Variants in TRANK1 observed in about 807,000 individuals in gnomAD.
TRANK1 encodes TPR and ankyrin repeat-containing protein 1.
In TRANK1, 198 loss-of-function variants were observed where a neutral mutation model predicts 266.0. The observed-to-expected ratio is 0.74, with a 90% CI of 0.66 to 0.84. TRANK1 has a LOEUF of 0.84. Among genes scored for constraint, TRANK1 ranks in the 40% least tolerant of loss-of-function variants. The probability of loss-of-function intolerance (pLI) is 0.00; values close to 1 mark genes in which losing one functional copy is unlikely to be tolerated. For synonymous variants in TRANK1, 1,396 were observed against 1,384.1 expected (o/e 1.01, Z -0.19); for missense variants, 3,326 against 3,634.6 (o/e 0.92, Z 2.18).
chr3:36,884,369 C>T (rs1305613639), intron 8 of TRANK1, among the ~76,000 whole-genome samples: 1 of 152,068 alleles, frequency 6.6e-6, no homozygotes, highest in African/African-American at 2.4e-5. Flanking sequence ...TGGTTGATTC[C>T]AGGGCTGGGA....
upstream of TRANK1, among the ~76,000 whole-genome samples, chr3:36,945,561 G>A (rs2080561670): frequency 2.0e-5 from 3 of 152,214 alleles, no homozygotes; most frequent in South Asian, 6.2e-4. Context: ...TGTCCATGGA[G>A]AGTAAGTGCG....
intron 3 of TRANK1, among the ~76,000 whole-genome samples, chr3:36,901,101 GTTT>G (rs55801006): frequency 0.024 from 3,301 of 136,962 alleles, 100 homozygotes; most frequent in African/African-American, 0.075. Context: ...ATTCAAGGTT[GTTT>G]TTTTTTTTTT....
At chr3:36,836,793 C>CACCA (rs1355354139) in intron 20 of TRANK1, among the ~76,000 whole-genome samples, 4 of 152,246 alleles carry the variant, frequency 2.6e-5, no homozygotes, top group Non-Finnish European at 5.9e-5. Flanking sequence ...CCACTTCCAC[C>CACCA]ACCACCATGG....
intron 1 of TRANK1, among the ~76,000 whole-genome samples, chr3:36,943,435 C>G (rs889485705): frequency 6.6e-6 from 1 of 151,672 alleles, no homozygotes; most frequent in African/African-American, 2.4e-5. Context: ...CAGTGGGATG[C>G]GACTCTGGGA....
intron 1 of TRANK1, among the ~76,000 whole-genome samples, chr3:36,918,501 A>AGG (rs1200338814): frequency 2.3e-4 from 7 of 30,670 alleles, no homozygotes; most frequent in African/African-American, 8.6e-4. Context: ...GAAAGAAAGA[A>AGG]AGAAAGAAAG....
In TRANK1 at chr3:36,940,684, A is replaced by G. The variant is rs865927904; in HGVS notation, c.23+4103T>C. Among the ~76,000 whole-genome samples the G allele has an allele frequency of 9.2e-5, 14 of 152,246 alleles. No homozygotes were observed. In the South Asian group the frequency reaches 1.0e-3, roughly 11 times the overall value. On this transcript the variant is annotated intron_variant, in intron 1 of 23. Coordinates refer to ENST00000645898, the MANE Select transcript of TRANK1 (RefSeq NM_001329998.2). ...TCTTCGAGAGCTTGTCTGCACCTCC[A>G]CTAATCCTTTTCCACAGGTCTACAT... is the stretch of plus-strand genomic sequence containing the variant.
At chr3:36,933,730 C>A (rs1225545932) in intron 1 of TRANK1, among the ~76,000 whole-genome samples, 2 of 152,228 alleles carry the variant, frequency 1.3e-5, no homozygotes, top group African/African-American at 4.8e-5. Flanking sequence ...ATTTACAGAA[C>A]CTTTGCTTTG....
At chr3:36,828,765 A>G (rs2087870855) in intron 23 of TRANK1, among the ~76,000 whole-genome samples, 1 of 152,154 alleles carries the variant, frequency 6.6e-6, no homozygotes, top group South Asian at 2.1e-4. Flanking sequence ...AATAAACTCA[A>G]CCATACACTT....
intron 1 of TRANK1, among the ~76,000 whole-genome samples, chr3:36,930,672 A>G (rs1306859308): frequency 6.6e-6 from 1 of 152,274 alleles, no homozygotes; most frequent in Non-Finnish European, 1.5e-5. Flanking sequence ...CAAAAAGTTT[A>G]TGTTGAGCAA....
intron 15 of TRANK1, among the ~76,000 whole-genome samples, chr3:36,849,345 A>G (rs1197564341): frequency 1.3e-5 from 2 of 152,202 alleles, no homozygotes; most frequent in African/African-American, 4.8e-5. Context: ...CTCTCCCCCA[A>G]AAAGAAGGCA....
At chr3:36,914,173 G>T (rs1037119897) in intron 1 of TRANK1, among the ~76,000 whole-genome samples, 1 of 151,284 alleles carries the variant, frequency 6.6e-6, no homozygotes, top group Admixed American at 6.6e-5. Flanking sequence ...TCACTCTGTC[G>T]CCCAGGCTGG....
In TRANK1 at chr3:36,892,896, C is replaced by T; in HGVS notation, c.636+5G>A. ...AGATATATATAGATATATATATCAC[C>T]TTACCTCAAAGAGACTTTTCAGTGA... is the stretch of plus-strand genomic sequence containing the variant. On this transcript the variant is annotated splice_donor_5th_base_variant and intron_variant, in intron 6 of 23. Transcript: ENST00000645898. The T allele has an allele frequency of 7.3e-7, 1 of 1,373,788 alleles. No individual in the cohort carries two copies. Among genetic ancestry groups the T allele is most frequent in the Non-Finnish European group, 9.6e-7 (1 of 1,045,508 alleles). 85.1% of individuals were successfully genotyped at this position (1,373,788 alleles called of 1,614,324 possible).
Position 36,858,011 on chromosome 3 carries a change from G to A in TRANK1, c.1711C>T (p.Leu571=). 6.3e-7 allele frequency: 1 copy of A among 1,586,834 alleles called. No homozygotes were observed. Among genetic ancestry groups the A allele is most frequent in the Non-Finnish European group, 8.5e-7 (1 of 1,172,630 alleles). ...GFSFLSHLLD[L]FWSNPTEFDY... is the part of the protein sequence containing the mutation. ...AATTCAGTGGGGTTGGACCAAAACA[G>A]ATCCAACAGATGGCTGAGGAAGCTA... Residue 571 remains leucine, a synonymous_variant, in exon 13 of 24, where the codon CTG becomes TTG. Transcript: ENST00000645898.
In TRANK1 at chr3:36,851,851, G is replaced by A. The variant is rs368468535; in HGVS notation, c.4755C>T (p.Ile1585=). 3.1e-6 allele frequency: 5 copies of A among 1,594,290 alleles called. No homozygotes were observed. In the Admixed American group the frequency reaches 7.1e-5, roughly 23 times the overall value. ...CCTTTGCCGTTTCATTGGCCACAAG[G>A]ATTACCTGAAGAAAAACAAAAGAAC... The part of the protein sequence containing the change: ...QPIEFGAHQV[I]LVANETAKEK... Residue 1585 remains isoleucine (I), a synonymous_variant, in exon 15 of 24, where the codon ATC becomes ATT. Transcript: ENST00000645898.
At chr3:36,901,429 C>G (rs2079881097) in intron 3 of TRANK1, among the ~76,000 whole-genome samples, 1 of 152,180 alleles carries the variant, frequency 6.6e-6, no homozygotes, top group Admixed American at 6.5e-5. Flanking sequence ...CAGTTTGCAG[C>G]CCCTAGAGAC....
chr3:36,918,548 AAGGAAGGAAGGAAGGT>A (rs1247466130), intron 1 of TRANK1, among the ~76,000 whole-genome samples: 1,309 of 58,928 alleles, frequency 0.022, 117 homozygotes, highest in Middle Eastern at 0.039. Flanking sequence ...GGAAGGAAGG[AAGGAAGGAAGGAAGGT>A]AGGAAGGAAG....
In TRANK1 at chr3:36,833,293, GC is replaced by G; in HGVS notation, c.6289del (p.Ala2097LeufsTer5). On this transcript the variant is annotated frameshift_variant, in exon 22 of 24. Coordinates refer to ENST00000645898, the MANE Select transcript of TRANK1 (RefSeq NM_001329998.2). LOFTEE classifies it high-confidence loss of function. The part of the protein sequence containing the change: ...GLEILLSLVR[A>X]LKRVTNNAEK... ...AGCATTGTTGGTCACTCTTTTGAGA[GC>G]CCTGACCAGACTGAGGAGGATTTCC... 1 of 1,614,018 alleles carries G rather than the reference GC, an allele frequency of 6.2e-7. No individual in the cohort carries two copies. The highest frequency in any genetic ancestry group is 8.5e-7 in the Non-Finnish European group (1 of 1,179,908).
chr3:36,849,287 T>C (rs1245794284), intron 15 of TRANK1, among the ~76,000 whole-genome samples: 1 of 152,168 alleles, frequency 6.6e-6, no homozygotes, highest in Non-Finnish European at 1.5e-5. Flanking sequence ...GTTACCCTTC[T>C]AAGTCCCCAC....
chr3:36,869,373 C>T (rs1000644391), intron 9 of TRANK1, among the ~76,000 whole-genome samples: 1 of 152,212 alleles, frequency 6.6e-6, no homozygotes, highest in Non-Finnish European at 1.5e-5. Context: ...TGGGGTACAG[C>T]AAACTTGAGG....
Sources: gnomAD v4.1 joint callset for allele counts (sites outside exome capture counted in the v4.1 genomes callset) on GRCh38, gnomAD v4.1.1 for gene constraint, MANE v1.5 for transcripts, NCBI Gene and HGNC (gene_info 2026-07-23, HGNC 2026-07-21) for gene names.